The following PRR15L variants were observed in gnomAD, a reference collection of about 807,000 sequenced individuals.
The protein encoded by PRR15L is proline rich 15 like, also known as proline-rich protein 15-like protein.
A neutral mutation model predicts 3.7 loss-of-function variants in PRR15L; 1 was observed. That is an observed-to-expected ratio of 0.27 (90% CI 0.09 to 1.27). The LOEUF (loss-of-function observed/expected upper bound fraction) is 1.27, where lower values mean the gene tolerates loss of function less well. Ranked by LOEUF, PRR15L falls within the 50% of genes most tolerant of loss-of-function variation. The pLI is 0.47. For synonymous variants in PRR15L, 57 were observed against 51.9 expected (o/e 1.10, Z -0.42); for missense variants, 127 against 128.7 (o/e 0.99, Z 0.06).
At position 47,953,255 on chromosome 17, in the gene PRR15L, T is replaced by G; in HGVS notation, c.-21A>C. 3.3e-6 allele frequency: 5 copies of G among 1,512,896 alleles called. No homozygotes were observed. The highest frequency in any genetic ancestry group is 1.3e-5 in the South Asian group (1 of 78,018). 93.7% of individuals were successfully genotyped at this position (1,512,896 alleles called of 1,614,324 possible). On this transcript the variant is annotated 5_prime_UTR_variant, in exon 2 of 2. Transcript: ENST00000300557. ...GTCATGGCGCTCCCTAAGCCAAGGA[T>G]GGGGCTTTCTGCTGGAGCAGGGTGG... is the stretch of plus-strand genomic sequence containing the variant.
intron 1 of PRR15L, among the ~76,000 whole-genome samples, chr17:47,954,923 C>CT (rs954992977): frequency 1.1e-3 from 157 of 144,688 alleles, no homozygotes; most frequent in African/African-American, 3.4e-3. Flanking sequence ...AATGATGTGC[C>CT]TTTTTTTTTT....
At chr17:47,955,802 C>T (rs16949761) in intron 1 of PRR15L, among the ~76,000 whole-genome samples, 4,175 of 152,172 alleles carry the variant, frequency 0.027, 162 homozygotes, top group African/African-American at 0.088. Context: ...TGTGGGTGCC[C>T]GAGTCACTGC....
At chr17:47,955,264 C>A (rs1367450544) in intron 1 of PRR15L, among the ~76,000 whole-genome samples, 1 of 152,080 alleles carries the variant, frequency 6.6e-6, no homozygotes, top group Non-Finnish European at 1.5e-5. Flanking sequence ...GTAGAGGATG[C>A]TTTCTCTTCT....
intron 1 of PRR15L, among the ~76,000 whole-genome samples, chr17:47,955,113 G>A (rs2036114274): frequency 6.6e-6 from 1 of 151,924 alleles, no homozygotes; most frequent in African/African-American, 2.4e-5. Context: ...ATTTTTAGTA[G>A]AGACGGGGTT....
chr17:47,955,363 C>G (rs1015580950), intron 1 of PRR15L, among the ~76,000 whole-genome samples: 1 of 151,868 alleles, frequency 6.6e-6, no homozygotes, highest in Non-Finnish European at 1.5e-5. Flanking sequence ...GAGGAGAGCA[C>G]GACGCAGGCC....
chr17:47,956,819 G>A (rs1450512531), intron 1 of PRR15L, among the ~76,000 whole-genome samples: 1 of 152,256 alleles, frequency 6.6e-6, no homozygotes, highest in Non-Finnish European at 1.5e-5. Flanking sequence ...TCACCACAGA[G>A]GGCTGAAAGG....
rs753429176 is a variant in PRR15L at position 47,953,114 on chromosome 17, T to C, written c.121A>G (p.Arg41Gly). 2 of 1,614,180 alleles carry C rather than the reference T, an allele frequency of 1.2e-6. No individual in the cohort carries two copies. Among genetic ancestry groups the C allele is most frequent in the South Asian group, 2.2e-5 (2 of 91,086 alleles). The change falls in exon 2 of 2, where the codon AGG becomes GGG. Residue 41 changes from arginine (R) to glycine (G), a missense_variant. Transcript: ENST00000300557. Reference sequence around the variant, plus strand: ...CTGTTGGGGCCTCCAGCGTCAGGCCTCGGGGGTTCTGCATCTCCCTCTGTT... The same window carrying C: ...CTGTTGGGGCCTCCAGCGTCAGGCCCCGGGGGTTCTGCATCTCCCTCTGTT... ...AQTEGDAEPP[R>G]PDAGGPNSDF...
chr17:47,955,091 G>A (rs990734586), intron 1 of PRR15L, among the ~76,000 whole-genome samples: 3 of 151,740 alleles, frequency 2.0e-5, no homozygotes, highest in Admixed American at 6.6e-5. Context: ...CACCACGCCC[G>A]GCTAATTTTG....
At position 47,953,007 on chromosome 17, in the gene PRR15L, G is replaced by A. The variant is rs200572227; in HGVS notation, c.228C>T (p.Phe76=). The part of the protein sequence containing the change: ...KHVKVSNSGR[F]KEKKKVRATL... Reference sequence around the variant, plus strand: ...TGGCTCTCACTTTCTTCTTCTCCTTGAAGCGTCCTGAGTTGGAGACCTTGA... The same window carrying A: ...TGGCTCTCACTTTCTTCTTCTCCTTAAAGCGTCCTGAGTTGGAGACCTTGA... Residue 76 remains phenylalanine, a synonymous_variant, in exon 2 of 2, where the codon TTC becomes TTT. Transcript: ENST00000300557. The A allele has an allele frequency of 5.6e-6, 9 of 1,614,134 alleles. No individual in the cohort carries two copies. In the East Asian group the frequency reaches 2.0e-4, roughly 36 times the overall value.
At chr17:47,956,525 T>G (rs2036130679) in intron 1 of PRR15L, among the ~76,000 whole-genome samples, 1 of 152,120 alleles carries the variant, frequency 6.6e-6, no homozygotes, top group Non-Finnish European at 1.5e-5. Flanking sequence ...GGCCTTCCTG[T>G]CTCTTCTGCC....
intron 1 of PRR15L, among the ~76,000 whole-genome samples, chr17:47,954,555 G>A (rs1339867178): frequency 1.3e-5 from 2 of 152,222 alleles, no homozygotes; most frequent in Admixed American, 6.5e-5. Context: ...CATGTGTCCT[G>A]CCATGGAGCT....
Position 47,954,086 on chromosome 17 carries a change from A to G in PRR15L, c.-29-823T>C, listed in dbSNP as rs2036102110. ...CTTGGAATTCATTACAAAATTAAATATAATTAGTGGCATTCCAAGCAATTT... is the reference window on the plus strand; with the variant it reads ...CTTGGAATTCATTACAAAATTAAATGTAATTAGTGGCATTCCAAGCAATTT... On this transcript the variant is annotated intron_variant, in intron 1 of 1. Coordinates refer to ENST00000300557, the MANE Select transcript of PRR15L (RefSeq NM_024320.4). 2.0e-5 allele frequency among the ~76,000 whole-genome samples: 3 copies of G among 152,248 alleles called. No individual in the cohort carries two copies. The South Asian group carries it at 6.2e-4, about 32-fold the overall frequency.
intron 1 of PRR15L, among the ~76,000 whole-genome samples, chr17:47,955,253 A>T (rs1422206113): frequency 6.6e-6 from 1 of 152,098 alleles, no homozygotes; most frequent in African/African-American, 2.4e-5. Flanking sequence ...TTTATGTAGG[A>T]GTAGAGGATG....
chr17:47,953,413 C>T lies in PRR15L; in HGVS notation c.-29-150G>A, dbSNP rs573502719. On this transcript the variant is annotated intron_variant, in intron 1 of 1. Coordinates refer to ENST00000300557, the MANE Select transcript of PRR15L (RefSeq NM_024320.4). ...GTTCTTCATGCCTATAATCCCGGCA[C>T]TTTGGGAGGCCAAGGCAGGTGGATC... The T allele has an allele frequency of 1.6e-5, 9 of 563,220 alleles. No homozygotes were observed. In the South Asian group the frequency reaches 2.3e-4, roughly 14 times the overall value. 34.9% of individuals were successfully genotyped at this position (563,220 alleles called of 1,614,324 possible). A position where few individuals can be genotyped will look rare whatever the true frequency, so the allele number is the denominator to read the frequency against.
rs1285704575 is a variant in PRR15L at position 47,952,966 on chromosome 17, G to A, written c.269C>T (p.Pro90Leu). Reference protein sequence around the residue: ...KKVRATLAENPNLFDDHEEGR... With the variant: ...KKVRATLAENLNLFDDHEEGR... ...TTCCTCGTGATCATCAAAGAGGTTAGGGTTCTCTGCCAGCGTGGCTCTCAC... is the reference window on the plus strand; with the variant it reads ...TTCCTCGTGATCATCAAAGAGGTTAAGGTTCTCTGCCAGCGTGGCTCTCAC... Residue 90 changes from proline to leucine, a missense_variant, in exon 2 of 2, where the codon CCT (proline) becomes CTT (leucine). Physicochemically the swap from Pro to Leu is moderately conservative, Grantham distance 98. Transcript: ENST00000300557. 28 of 1,614,022 alleles carry A rather than the reference G, an allele frequency of 1.7e-5. No homozygotes were observed. Among genetic ancestry groups the A allele is most frequent in the Non-Finnish European group, 2.2e-5 (26 of 1,180,032 alleles).
At chr17:47,957,346 G>A (rs2036141516) in intron 1 of PRR15L, among the ~76,000 whole-genome samples, 1 of 152,254 alleles carries the variant, frequency 6.6e-6, no homozygotes, top group Admixed American at 6.5e-5. Flanking sequence ...GGGGCCTGCA[G>A]GATGAGACAG....
In PRR15L at chr17:47,952,853, G is replaced by A. The variant is rs193177482; in HGVS notation, c.*70C>T. The A allele has an allele frequency of 1.1e-5, 16 of 1,475,170 alleles. No homozygotes were observed. The highest frequency in any genetic ancestry group is 6.3e-5 in the Admixed American group (3 of 47,922). 91.4% of individuals were successfully genotyped at this position (1,475,170 alleles called of 1,614,324 possible). ...TTCAGCTATGGCCAAAGAGGCCAGC[G>A]TGGCAAGGTCCTGTCTCAGATCTGG... On this transcript the variant is annotated 3_prime_UTR_variant, in exon 2 of 2. Transcript: ENST00000300557.
At chr17:47,953,409 G>C in intron 1 of PRR15L, 146 bp from the exon 2 acceptor site, 1 of 568,924 alleles carries the variant, frequency 1.8e-6, no homozygotes, top group Non-Finnish European at 3.0e-6. Context: ...CTATAATCCC[G>C]GCACTTTGGG....
chr17:47,956,861 T>C (rs2036133907), intron 1 of PRR15L, among the ~76,000 whole-genome samples: 1 of 152,254 alleles, frequency 6.6e-6, no homozygotes, highest in South Asian at 2.1e-4. Flanking sequence ...TGCTTGGGAC[T>C]TCAAACAGAC....
Sources: gnomAD v4.1 joint callset for allele counts (sites outside exome capture counted in the v4.1 genomes callset) on GRCh38, gnomAD v4.1.1 for gene constraint, MANE v1.5 for transcripts, NCBI Gene and HGNC (gene_info 2026-07-23, HGNC 2026-07-21) for gene names.